COL28A1: variants seen among roughly 807,000 people sequenced by gnomAD.
The protein encoded by COL28A1 is collagen type XXVIII alpha 1 chain.
COL28A1 carries 161 observed loss-of-function variants against 150.2 expected under a neutral mutation model. That is an observed-to-expected ratio of 1.07 (90% CI 0.94 to 1.22). The LOEUF is 1.22. Ranked by LOEUF, COL28A1 falls within the 50% of genes most tolerant of loss-of-function variation. The pLI is 0.00. For synonymous variants in COL28A1, 552 were observed against 469.7 expected (o/e 1.18, Z -2.26); for missense variants, 1,617 against 1,388.3 (o/e 1.16, Z -2.62).
intron 18 of COL28A1, among the ~76,000 whole-genome samples, chr7:7,445,462 A>G (rs1786179584): frequency 6.6e-6 from 1 of 152,210 alleles, no homozygotes; most frequent in South Asian, 2.1e-4. Context: ...ACTGAGAGAC[A>G]ATAAATTTCT....
intron 13 of COL28A1, among the ~76,000 whole-genome samples, chr7:7,487,696 C>T (rs1779703702): frequency 6.6e-6 from 1 of 152,194 alleles, no homozygotes. Flanking sequence ...TGAGACTTCG[C>T]TAAATTAAAT....
rs192412820 is a variant in COL28A1 at position 7,477,733 on chromosome 7, T to C, written c.1165-553A>G. Among the ~76,000 whole-genome samples, 58 of 152,298 alleles carry C rather than the reference T, an allele frequency of 3.8e-4. No homozygotes were observed. In the Middle Eastern group the frequency reaches 0.014, roughly 36 times the overall value. ...CCAAACAGTTAACAGCAGTAAGATA[T>C]ACAGCAAACAGCAAAAGAACAAAGC... is the stretch of plus-strand genomic sequence containing the variant. On this transcript the variant is annotated intron_variant, in intron 13 of 34. Transcript: ENST00000399429.
chr7:7,387,654 G>C (rs974975300), intron 27 of COL28A1, among the ~76,000 whole-genome samples: 10 of 152,036 alleles, frequency 6.6e-5, no homozygotes, highest in Admixed American at 3.3e-4. Flanking sequence ...TATAGAATCT[G>C]GGTAAAGGAT....
At chr7:7,444,311 A>G in intron 19 of COL28A1, 107 bp downstream of exon 19, 7 of 1,491,896 alleles carry the variant, frequency 4.7e-6, no homozygotes, top group Non-Finnish European at 6.3e-6. Context: ...TTTTTTCTTA[A>G]AGAAACTAAG....
At chr7:7,383,494 G>T (rs1351568780) in intron 27 of COL28A1, among the ~76,000 whole-genome samples, 1 of 151,634 alleles carries the variant, frequency 6.6e-6, no homozygotes, top group East Asian at 1.9e-4. Context: ...GGCCAGTCTG[G>T]TCTCAAACTC....
the COL28A1 span, among the ~76,000 whole-genome samples, chr7:7,350,796 T>C: frequency 6.6e-6 from 1 of 151,448 alleles, no homozygotes; most frequent in Non-Finnish European, 1.5e-5. Context: ...AAAAAAAAAG[T>C]ATCCAAATGA....
At chr7:7,360,299 G>A (rs1275313810) in intron 34 of COL28A1, 91 bp downstream of exon 34, 9 of 1,247,222 alleles carry the variant, frequency 7.2e-6, no homozygotes, top group Non-Finnish European at 7.6e-6. Context: ...AGATACAGTA[G>A]CAGATTGGCA....
At chr7:7,522,218 T>G (rs546765097) in intron 4 of COL28A1, 2 of 486,474 alleles carry the variant, frequency 4.1e-6, no homozygotes, top group Non-Finnish European at 7.5e-6. Context: ...CAAAATATTA[T>G]TAAATTTCAG....
chr7:7,356,854 T>C (rs967051684), downstream of COL28A1: 1 of 152,076 alleles, frequency 6.6e-6, no homozygotes, highest in African/African-American at 2.4e-5. Context: ...ATAAAAAAAA[T>C]TGACAAACAT....
intron 23 of COL28A1, among the ~76,000 whole-genome samples, chr7:7,435,781 G>C (rs1448693916): frequency 6.6e-6 from 1 of 152,138 alleles, no homozygotes; most frequent in Non-Finnish European, 1.5e-5. Flanking sequence ...GTAACAACAT[G>C]CTATTGATTT....
chr7:7,343,587 G>A, the COL28A1 span, among the ~76,000 whole-genome samples: 10 of 152,020 alleles, frequency 6.6e-5, no homozygotes, highest in Non-Finnish European at 1.2e-4. Flanking sequence ...ATAAGTTTTG[G>A]CAAATAAAGA....
rs1780590587 is a variant in COL28A1, at chr7:7,360,464, A to G, written c.3131T>C (p.Leu1044Pro). 1.2e-6 allele frequency: 2 copies of G among 1,609,862 alleles called. No individual in the cohort carries two copies. The highest frequency in any genetic ancestry group is 1.7e-6 in the Non-Finnish European group (2 of 1,178,794). ...GGCCTCAGATGAGGTAGTGGCAGGC[A>G]GATCATCAGCCCACGTTGGCTCTGG... ...KAPEPTWADD[L>P]PATTSSEATT... The change falls in exon 34 of 35, where the codon CTG (leucine) becomes CCG (proline). Residue 1044 changes from leucine (L) to proline (P), a missense_variant. Leu to Pro is a moderately conservative substitution (Grantham distance 98). Transcript: ENST00000399429.
chr7:7,532,657 A>G, intron 2 of COL28A1, 95 bp downstream of exon 2: 1 of 1,466,436 alleles, frequency 6.8e-7, no homozygotes, highest in East Asian at 2.3e-5. Flanking sequence ...ATACATGTAT[A>G]TGGCTTGCTA....
intron 27 of COL28A1, among the ~76,000 whole-genome samples, chr7:7,404,741 A>C (rs1260579159): frequency 1.3e-5 from 2 of 152,054 alleles, no homozygotes; most frequent in African/African-American, 4.8e-5. Flanking sequence ...CATACTATAT[A>C]ATGTTTGTAT....
chr7:7,479,321 C>T (rs1789207409), intron 13 of COL28A1, among the ~76,000 whole-genome samples: 1 of 152,176 alleles, frequency 6.6e-6, no homozygotes, highest in South Asian at 2.1e-4. Context: ...ATTTGATTGG[C>T]ATAAAATGTT....
At chr7:7,396,851 G>C (rs185967554) in intron 27 of COL28A1, among the ~76,000 whole-genome samples, 73 of 152,276 alleles carry the variant, frequency 4.8e-4, no homozygotes, top group African/African-American at 1.7e-3. Flanking sequence ...GACTGATTTT[G>C]AGTCTGTTCC....
At chr7:7,520,638 C>G (rs1454006628) in intron 5 of COL28A1, among the ~76,000 whole-genome samples, 2 of 152,150 alleles carry the variant, frequency 1.3e-5, no homozygotes, top group African/African-American at 4.8e-5. Context: ...TTTCCTGTTC[C>G]TAATCAACCA....
At position 7,375,495 on chromosome 7, in the gene COL28A1, T is replaced by A; in HGVS notation, c.2325A>T (p.Lys775Asn). 6.4e-7 allele frequency: 1 copy of A among 1,553,492 alleles called. No individual in the cohort carries two copies. Among genetic ancestry groups the A allele is most frequent in the Non-Finnish European group, 8.8e-7 (1 of 1,133,702 alleles). Residue 775 changes from lysine (K) to asparagine (N), a missense_variant and splice_region_variant, in exon 31 of 35, where the codon AAA (lysine) becomes AAT (asparagine). Transcript: ENST00000399429. ...CTGTAATAAGTTTGATAATTTCTTC[T>A]TTCTAGGGGATAAAAAGAAAAATGT... Reference protein sequence around the residue: ...QGPKGDLGLTKEEIIKLITEI... With the variant: ...QGPKGDLGLTNEEIIKLITEI...
intron 27 of COL28A1, among the ~76,000 whole-genome samples, chr7:7,396,384 T>G (rs957836304): frequency 1.3e-5 from 2 of 152,330 alleles, no homozygotes; most frequent in South Asian, 4.1e-4. Context: ...AATACAAAGC[T>G]GGCAGTCCCT....
Sources: gnomAD v4.1 joint callset for allele counts (sites outside exome capture counted in the v4.1 genomes callset) on GRCh38, gnomAD v4.1.1 for gene constraint, MANE v1.5 for transcripts, NCBI Gene and HGNC (gene_info 2026-07-23, HGNC 2026-07-21) for gene names.